BACH2: variants seen among roughly 807,000 people sequenced by gnomAD.
The protein encoded by BACH2 is BACH transcriptional regulator 2, also known as transcription regulator protein BACH2.
BACH2 carries 5 observed loss-of-function variants against 61.8 expected under a neutral mutation model. The observed-to-expected ratio is 0.08, with a 90% CI of 0.04 to 0.17. The LOEUF (loss-of-function observed/expected upper bound fraction) is 0.17. Ranked by LOEUF, BACH2 falls within the 10% of genes least tolerant of loss-of-function variation. The pLI is 1.00. For synonymous variants in BACH2, 446 were observed against 440.1 expected (o/e 1.01, Z -0.17); for missense variants, 824 against 1,091.1 (o/e 0.76, Z 3.45).
intron 4 of BACH2, among the ~76,000 whole-genome samples, chr6:90,101,499 T>G (rs1782625979): frequency 6.6e-6 from 1 of 152,224 alleles, no homozygotes; most frequent in Non-Finnish European, 1.5e-5. Context: ...AGACTGTTCT[T>G]TCCTCATCAA....
chr6:89,934,637 C>T (rs368954600), intron 8 of BACH2, among the ~76,000 whole-genome samples: 6 of 151,364 alleles, frequency 4.0e-5, no homozygotes, highest in African/African-American at 1.2e-4. Flanking sequence ...CCAGTCTGGG[C>T]GACAGAGCGA....
Position 90,052,925 on chromosome 6 carries a change from T to G in BACH2, c.-13+36036A>C, listed in dbSNP as rs537032199. Among the ~76,000 whole-genome samples the G allele has an allele frequency of 2.6e-5, 4 of 152,358 alleles. No individual in the cohort carries two copies. The South Asian group carries it at 8.3e-4, about 32-fold the overall frequency. Reference sequence around the variant, plus strand: ...TACATATATTGTGATTGCTGATATATCTGCATTTGTTTTTATAATATTATT... The same window carrying G: ...TACATATATTGTGATTGCTGATATAGCTGCATTTGTTTTTATAATATTATT... On this transcript the variant is annotated intron_variant, in intron 5 of 8. Transcript: ENST00000257749.
At chr6:90,117,989 T>C (rs974897611) in intron 4 of BACH2, among the ~76,000 whole-genome samples, 6 of 152,214 alleles carry the variant, frequency 3.9e-5, no homozygotes, top group African/African-American at 1.4e-4. Context: ...ATCTAACTTA[T>C]AAAGTATTCT....
At chr6:90,056,005 C>T (rs1186525290) in intron 5 of BACH2, among the ~76,000 whole-genome samples, 1 of 152,148 alleles carries the variant, frequency 6.6e-6, no homozygotes, top group Non-Finnish European at 1.5e-5. Flanking sequence ...TGGTACCAGC[C>T]ACTGCAAAAA....
intron 4 of BACH2, among the ~76,000 whole-genome samples, chr6:90,143,967 G>A (rs945577070): frequency 2.0e-5 from 3 of 152,156 alleles, no homozygotes; most frequent in African/African-American, 7.2e-5. Flanking sequence ...TAGAAGGAAA[G>A]TCTTTGGAGA....
chr6:89,947,818 G>T (rs1439663442), intron 7 of BACH2, among the ~76,000 whole-genome samples: 1 of 151,932 alleles, frequency 6.6e-6, no homozygotes, highest in Non-Finnish European at 1.5e-5. Flanking sequence ...TGATTCGCCC[G>T]CCTCGGCCTC....
rs1770465251 is a variant in BACH2 at position 90,241,858 on chromosome 6, CATT to C, written c.-275+10652_-275+10654del. Among the ~76,000 whole-genome samples the C allele has an allele frequency of 2.7e-5, 4 of 150,560 alleles. No homozygotes were observed. In the South Asian group the frequency reaches 8.4e-4, roughly 31 times the overall value. ...AAGGTGGGGAATATTATATGAAAGA[CATT>C]ATACAAGGCTTTTGTTTTGTTTTGT... is the stretch of plus-strand genomic sequence containing the variant. On this transcript the variant is annotated intron_variant, in intron 3 of 8. Transcript: ENST00000257749.
At chr6:90,135,578 T>G (rs1784243996) in intron 4 of BACH2, among the ~76,000 whole-genome samples, 1 of 152,022 alleles carries the variant, frequency 6.6e-6, no homozygotes, top group Non-Finnish European at 1.5e-5. Flanking sequence ...TAGCCAGGCA[T>G]GGTGGTACAC....
chr6:90,151,479 C>T (rs1784810053), intron 4 of BACH2, among the ~76,000 whole-genome samples: 1 of 152,144 alleles, frequency 6.6e-6, no homozygotes. Flanking sequence ...TTTGTAGACA[C>T]AGGGTCTCAC....
intron 4 of BACH2, among the ~76,000 whole-genome samples, chr6:90,118,611 A>G (rs1034165597): frequency 6.6e-6 from 1 of 152,208 alleles, no homozygotes; most frequent in Non-Finnish European, 1.5e-5. Context: ...TCATGTTCAT[A>G]TTGTCTCAGT....
At chr6:90,032,793 GTGT>G (rs1328161014) in intron 5 of BACH2, among the ~76,000 whole-genome samples, 1 of 152,232 alleles carries the variant, frequency 6.6e-6, no homozygotes. Context: ...GTGGAAGTCA[GTGT>G]GGCGATTCCT....
intron 6 of BACH2, among the ~76,000 whole-genome samples, chr6:89,983,706 AGT>A (rs1439245533): frequency 2.6e-5 from 4 of 152,230 alleles, no homozygotes; most frequent in Non-Finnish European, 5.9e-5. Context: ...TCAGTTCCTT[AGT>A]CACACACGTG....
At chr6:90,125,048 T>A (rs1783789126) in intron 4 of BACH2, among the ~76,000 whole-genome samples, 1 of 152,260 alleles carries the variant, frequency 6.6e-6, no homozygotes, top group Non-Finnish European at 1.5e-5. Context: ...GTATTTCTCA[T>A]TTTGTGAACT....
At chr6:90,290,908 A>C (rs1300136710) in intron 1 of BACH2, among the ~76,000 whole-genome samples, 1 of 152,180 alleles carries the variant, frequency 6.6e-6, no homozygotes, top group Non-Finnish European at 1.5e-5. Flanking sequence ...CATGAAGAGA[A>C]TAATGAGATG....
intron 4 of BACH2, among the ~76,000 whole-genome samples, chr6:90,110,685 T>G (rs1269830872): frequency 6.6e-6 from 1 of 152,218 alleles, no homozygotes; most frequent in African/African-American, 2.4e-5. Context: ...ACTTCATTCA[T>G]TTTTGATAAA....
intron 4 of BACH2, among the ~76,000 whole-genome samples, chr6:90,142,117 C>G (rs1784481942): frequency 6.6e-6 from 1 of 152,206 alleles, no homozygotes; most frequent in African/African-American, 2.4e-5. Context: ...GTTTCACATT[C>G]ATCTTCAATG....
Position 89,943,094 on chromosome 6 carries a change from G to A in BACH2, c.1837-4744C>T, listed in dbSNP as rs150845458. On this transcript the variant is annotated intron_variant, in intron 7 of 8. Transcript: ENST00000257749. Reference sequence around the variant, plus strand: ...CCCAAACTGTTGGGATTATAGGAGTGAGCCACCACGCCTGGCTAGGCTCCA... The same window carrying A: ...CCCAAACTGTTGGGATTATAGGAGTAAGCCACCACGCCTGGCTAGGCTCCA... Among the ~76,000 whole-genome samples, 190 of 152,250 alleles carry A rather than the reference G, an allele frequency of 1.2e-3. 2 individuals carry two copies. Among genetic ancestry groups the A allele is most frequent in the African/African-American group, 4.3e-3 (179 of 41,536 alleles).
In BACH2 at chr6:90,244,518, T is replaced by C. The variant is rs556037988; in HGVS notation, c.-275+7995A>G. 5.9e-5 allele frequency among the ~76,000 whole-genome samples: 9 copies of C among 152,344 alleles called. 1 individual carries two copies. In the South Asian group the frequency reaches 1.2e-3, roughly 21 times the overall value. ...CAACATTCTCATGGACAGACACTGCTGCCTACTTGGATGGATTAGTATCAG... is the reference window on the plus strand; with the variant it reads ...CAACATTCTCATGGACAGACACTGCCGCCTACTTGGATGGATTAGTATCAG... On this transcript the variant is annotated intron_variant, in intron 3 of 8. Coordinates refer to ENST00000257749, the MANE Select transcript of BACH2 (RefSeq NM_021813.4).
intron 6 of BACH2, among the ~76,000 whole-genome samples, chr6:89,976,236 C>T (rs193194080): frequency 6.6e-5 from 10 of 152,264 alleles, no homozygotes; most frequent in Admixed American, 2.6e-4. Flanking sequence ...GCTCTTTGTA[C>T]GCAAGAGCGT....
Sources: allele counts gnomAD v4.1 joint callset (sites outside exome capture counted in the v4.1 genomes callset), GRCh38; gene constraint gnomAD v4.1.1; transcripts MANE v1.5; gene names NCBI Gene and HGNC (gene_info 2026-07-23, HGNC 2026-07-21).